The following STRIP2 variants were observed in gnomAD, a reference collection of about 807,000 sequenced individuals.
STRIP2 encodes the protein striatin interacting protein 2.
In STRIP2, 84 loss-of-function variants were observed where a neutral mutation model predicts 107.1. That is an observed-to-expected ratio of 0.78 (90% CI 0.66 to 0.94). STRIP2 has a LOEUF of 0.94. STRIP2 is among the 40% of genes least tolerant of loss of function. The pLI is 0.00. For missense variants in STRIP2, 888 were observed against 1,034.2 expected (o/e 0.86, Z 1.94); for synonymous variants, 394 against 400.4 (o/e 0.98, Z 0.19).
chr7:129,461,373 C>T lies in STRIP2; in HGVS notation c.1476+1001C>T, dbSNP rs770459281. ...AACACTTATAGGCAGTGTTAAAGGC[C>T]GTAGAACTGGCTGAGATAACCCAGG... On this transcript the variant is annotated intron_variant, in intron 13 of 20. Transcript: ENST00000249344. The surrounding 1 kb of genome is among the most constrained non-coding windows in gnomAD (Gnocchi z 4.0). Among the ~76,000 whole-genome samples the T allele has an allele frequency of 3.3e-5, 5 of 151,910 alleles. No individual in the cohort carries two copies.
intron 3 of STRIP2, among the ~76,000 whole-genome samples, chr7:129,449,804 C>T (rs533833916): frequency 2.6e-5 from 4 of 152,290 alleles, no homozygotes; most frequent in African/African-American, 9.6e-5. Flanking sequence ...TCTTTCTCTG[C>T]AGGAGATAAG....
Position 129,485,724 on chromosome 7 carries a change from G to A in STRIP2, c.2400G>A (p.Gln800=), listed in dbSNP as rs761957331. ...VDNCLQSVLG[Q]RLDLPEDFHY... The stretch of plus-strand genomic sequence containing the variant: ...ACTGCTTGCAGAGCGTACTGGGGCA[G>A]AGGTTGGATCTGCCTGAAGATTTCC... The change falls in exon 21 of 21, where the codon CAG becomes CAA. Residue 800 remains glutamine, a synonymous_variant. Coordinates refer to ENST00000249344, the MANE Select transcript of STRIP2 (RefSeq NM_020704.3). The A allele has an allele frequency of 1.2e-6, 2 of 1,614,208 alleles. No individual in the cohort carries two copies. Among genetic ancestry groups the A allele is most frequent in the Non-Finnish European group, 8.5e-7 (1 of 1,180,042 alleles).
At chr7:129,438,819 T>C (rs941526272) in intron 1 of STRIP2, among the ~76,000 whole-genome samples, 1 of 152,178 alleles carries the variant, frequency 6.6e-6, no homozygotes, top group Non-Finnish European at 1.5e-5. Flanking sequence ...CAGGAAAGCA[T>C]GTACTTAGAA....
At chr7:129,444,977 G>T (rs1001940511) in intron 3 of STRIP2, among the ~76,000 whole-genome samples, 4 of 152,166 alleles carry the variant, frequency 2.6e-5, no homozygotes, top group African/African-American at 9.7e-5. Context: ...AGCTGGTCAC[G>T]TGGTCGTAGC....
intron 17 of STRIP2, among the ~76,000 whole-genome samples, chr7:129,468,533 G>GT (rs1253701499): frequency 2.6e-5 from 4 of 152,206 alleles, no homozygotes; most frequent in African/African-American, 9.7e-5. Context: ...ATTGGTATAT[G>GT]TAAGATTGCT....
At position 129,456,660 on chromosome 7, in the gene STRIP2, C is replaced by T. The variant is rs371847572; in HGVS notation, c.1038+18C>T. The T allele has an allele frequency of 1.8e-5, 29 of 1,608,110 alleles. No individual in the cohort carries two copies. Among genetic ancestry groups the T allele is most frequent in the Admixed American group, 1.7e-4 (10 of 59,792 alleles). ...CTCGAAGGGTATGGACTGAAGCAGA[C>T]AATGGTATTGGGACACCGACTGGCC... is the stretch of plus-strand genomic sequence containing the variant. On this transcript the variant is annotated intron_variant, in intron 9 of 20. Transcript: ENST00000249344.
chr7:129,475,345 T>A (rs973892766), intron 18 of STRIP2, among the ~76,000 whole-genome samples: 14 of 151,804 alleles, frequency 9.2e-5, no homozygotes, highest in African/African-American at 2.9e-4. Context: ...TTTTTTTATT[T>A]TTTATTTATT....
At chr7:129,451,861 A>G in intron 4 of STRIP2, 114 bp downstream of exon 4, 1 of 1,292,682 alleles carries the variant, frequency 7.7e-7, no homozygotes, top group South Asian at 1.4e-5. Context: ...CTTGCCTCTC[A>G]AGGACAGATC....
chr7:129,463,101 C>A (rs1373318156), intron 14 of STRIP2, 61 bp downstream of exon 14: 2 of 1,410,632 alleles, frequency 1.4e-6, no homozygotes, highest in Non-Finnish European at 2.0e-6. Context: ...CAGCTAAAAA[C>A]CATTTCAAGT....
chr7:129,440,002 A>C lies in STRIP2; in HGVS notation c.130-20A>C. On this transcript the variant is annotated intron_variant, in intron 1 of 20. Coordinates refer to ENST00000249344, the MANE Select transcript of STRIP2 (RefSeq NM_020704.3). ...TTTTTCCAAGTTATCCCAGTTACCA[A>C]CAAAATTTCTCTGTTACAGGGCTCT... 1 of 1,611,760 alleles carries C rather than the reference A, an allele frequency of 6.2e-7. No individual in the cohort carries two copies. Among genetic ancestry groups the C allele is most frequent in the South Asian group, 1.1e-5 (1 of 90,976 alleles).
chr7:129,476,975 C>T (rs762441591), intron 18 of STRIP2, among the ~76,000 whole-genome samples: 4 of 151,422 alleles, frequency 2.6e-5, no homozygotes, highest in Non-Finnish European at 4.4e-5. Context: ...GAGCTGGAGA[C>T]CAGCCCGGCC....
rs1202486614 is a variant in STRIP2 at position 129,487,593 on chromosome 7, A to G, written c.*1764A>G. 1 of 152,158 alleles carries G rather than the reference A, an allele frequency of 6.6e-6. No homozygotes were observed. The allele number at this position is 152,158 out of a possible 1,614,324, so 9.4% of individuals were successfully genotyped here. A position where few individuals can be genotyped will look rare whatever the true frequency, so the allele number is the denominator to read the frequency against. ...CTGTCTCTATGGATAGGTCTTGGAG[A>G]ATGTTAAGTAATGGATGAAACTTTT... On this transcript the variant is annotated 3_prime_UTR_variant, in exon 21 of 21. Coordinates refer to ENST00000249344, the MANE Select transcript of STRIP2 (RefSeq NM_020704.3).
In STRIP2 at chr7:129,475,558, TTTTTTTTTTCTTTTTA is replaced by T. The variant is rs1218955026; in HGVS notation, c.1944+4853_1944+4868del. Among the ~76,000 whole-genome samples the T allele has an allele frequency of 3.8e-3, 510 of 134,096 alleles. 12 individuals are homozygous for T. Among genetic ancestry groups the T allele is most frequent in the Middle Eastern group, 7.4e-3 (2 of 272 alleles). 88.0% of individuals were successfully genotyped at this position (134,096 alleles called of 152,430 possible). A position where few individuals can be genotyped will look rare whatever the true frequency, so the allele number is the denominator to read the frequency against. On this transcript the variant is annotated intron_variant, in intron 18 of 20. Coordinates refer to ENST00000249344, the MANE Select transcript of STRIP2 (RefSeq NM_020704.3). ...GGTGATGACTCTTTTTTTTTCTTTT[TTTTTTTTTTCTTTTTA>T]TTTTTTTTTATTGATCATTCTTGGG... is the stretch of plus-strand genomic sequence containing the variant.
At chr7:129,478,660 C>T (rs1055966574) in intron 18 of STRIP2, among the ~76,000 whole-genome samples, 1 of 152,082 alleles carries the variant, frequency 6.6e-6, no homozygotes, top group Non-Finnish European at 1.5e-5. Context: ...TGGAGAAAGT[C>T]CATGTAAATC....
chr7:129,481,015 T>G, intron 19 of STRIP2, 126 bp downstream of exon 19: 1 of 647,062 alleles, frequency 1.5e-6, no homozygotes, highest in Non-Finnish European at 2.7e-6. Context: ...TACATAAGAT[T>G]TAGCACCTCA....
chr7:129,438,989 C>G (rs946954982), intron 1 of STRIP2, among the ~76,000 whole-genome samples: 4 of 152,166 alleles, frequency 2.6e-5, no homozygotes, highest in Non-Finnish European at 5.9e-5. Flanking sequence ...CTGCCTGAAC[C>G]TAGTTGTTTC....
intron 18 of STRIP2, among the ~76,000 whole-genome samples, chr7:129,472,810 A>G (rs969849952): frequency 6.4e-5 from 6 of 93,462 alleles, no homozygotes; most frequent in African/African-American, 2.6e-4. Flanking sequence ...TTTTTGAGAC[A>G]GAGTCTTGTG....
At chr7:129,434,736 C>T in intron 1 of STRIP2, 135 bp downstream of exon 1, 1 of 1,115,750 alleles carries the variant, frequency 9.0e-7, no homozygotes, top group Non-Finnish European at 1.2e-6. Context: ...CCTGCGGGGT[C>T]CTAGCGGCTG....
At chr7:129,438,925 A>G (rs542490429) in intron 1 of STRIP2, among the ~76,000 whole-genome samples, 1 of 152,276 alleles carries the variant, frequency 6.6e-6, no homozygotes, top group Non-Finnish European at 1.5e-5. Context: ...GAGTTTCCTT[A>G]TCTTCCCTGG....
Sources: gnomAD v4.1 joint callset for allele counts (sites outside exome capture counted in the v4.1 genomes callset) on GRCh38, gnomAD v4.1.1 for gene constraint, Gnocchi (gnomAD v3.1) non-coding constraint, MANE v1.5 for transcripts, NCBI Gene and HGNC (gene_info 2026-07-23, HGNC 2026-07-21) for gene names.